Variants in LAPTM5 observed in about 807,000 individuals in gnomAD.
LAPTM5 encodes lysosomal protein transmembrane 5.
A neutral mutation model predicts 30.1 loss-of-function variants in LAPTM5; 11 were observed. That is an observed-to-expected ratio of 0.37 (90% CI 0.23 to 0.60). The LOEUF (loss-of-function observed/expected upper bound fraction) is 0.60. Among genes scored for constraint, LAPTM5 ranks in the 20% least tolerant of loss-of-function variants. LAPTM5 has a pLI of 0.71. For missense variants in LAPTM5, 324 were observed against 332.5 expected (o/e 0.97, Z 0.20); for synonymous variants, 151 against 137.9 (o/e 1.10, Z -0.67).
Position 30,757,667 on chromosome 1 carries a change from A to G in LAPTM5, c.79T>C (p.Tyr27His). 6.2e-7 allele frequency: 1 copy of G among 1,613,706 alleles called. No homozygotes were observed. The highest frequency in any genetic ancestry group is 2.2e-5 in the East Asian group (1 of 44,888). Reference sequence around the variant, plus strand: ...GGGGCCCGCACACTCACCACATGGTAGATGGCCAGGGCGGTGGTTGCGATG... The same window carrying G: ...GGGGCCCGCACACTCACCACATGGTGGATGGCCAGGGCGGTGGTTGCGATG... ...VRIATTALAI[Y>H]HVIMSVLLFI... The change falls in exon 1 of 8, where the codon TAC becomes CAC. Residue 27 changes from tyrosine to histidine, a missense_variant. Physicochemically the swap from Tyr to His is moderately conservative, Grantham distance 83 (BLOSUM62 2). Coordinates refer to ENST00000294507, the MANE Select transcript of LAPTM5 (RefSeq NM_006762.3).
chr1:30,753,323 C>G (rs527543123), intron 1 of LAPTM5, among the ~76,000 whole-genome samples: 41 of 152,262 alleles, frequency 2.7e-4, no homozygotes, highest in African/African-American at 8.9e-4. Flanking sequence ...ACTTGAGTTG[C>G]TTGGAGCAGC....
intron 1 of LAPTM5, 137 bp from the exon 2 acceptor site, chr1:30,742,686 A>T (rs972383957): frequency 1.5e-6 from 1 of 671,240 alleles, no homozygotes; most frequent in Non-Finnish European, 2.7e-6. Flanking sequence ...TCAGTAGGGC[A>T]TCTCAGACAA....
chr1:30,751,083 G>A (rs1031745868), intron 1 of LAPTM5, among the ~76,000 whole-genome samples: 3 of 152,278 alleles, frequency 2.0e-5, no homozygotes, highest in Non-Finnish European at 2.9e-5. Context: ...CTTCCTGGAG[G>A]CCTCGGGGCC....
chr1:30,750,011 C>A (rs79990487), intron 1 of LAPTM5, among the ~76,000 whole-genome samples: 2 of 152,116 alleles, frequency 1.3e-5, no homozygotes, highest in East Asian at 1.9e-4. Context: ...TAGACTCGGA[C>A]GGCTCAGATG....
At chr1:30,743,113 C>G (rs902105752) in intron 1 of LAPTM5, among the ~76,000 whole-genome samples, 3 of 152,154 alleles carry the variant, frequency 2.0e-5, no homozygotes, top group Non-Finnish European at 4.4e-5. Flanking sequence ...TCCCATGGCC[C>G]CTCAGGGAAC....
intron 1 of LAPTM5, among the ~76,000 whole-genome samples, chr1:30,743,407 G>T (rs1639998959): frequency 6.6e-6 from 1 of 152,156 alleles, no homozygotes. Flanking sequence ...GAGTGTTGGG[G>T]TGGCCCTAGA....
chr1:30,742,592 G>T, intron 1 of LAPTM5, 43 bp from the exon 2 acceptor site: 1 of 1,529,738 alleles, frequency 6.5e-7, no homozygotes, highest in East Asian at 2.3e-5. Context: ...CCTGCATCAC[G>T]GCCCCCCGAC....
chr1:30,757,173 C>T (rs1279699973), intron 1 of LAPTM5, among the ~76,000 whole-genome samples: 1 of 152,248 alleles, frequency 6.6e-6, no homozygotes, highest in Admixed American at 6.5e-5. Flanking sequence ...CCCCACTTCT[C>T]ATCCCCTCGA....
rs1317268590 is a variant in LAPTM5, at chr1:30,746,881, G to A, written c.88-4332C>T. Among the ~76,000 whole-genome samples the A allele has an allele frequency of 6.6e-6, 1 of 152,212 alleles. No homozygotes were observed. Among genetic ancestry groups the A allele is most frequent in the African/African-American group, 2.4e-5 (1 of 41,450 alleles). The stretch of plus-strand genomic sequence containing the variant: ...GCGCGGAGCCGGGCACACAGCAGGT[G>A]CACCATAAACAAGCACAATTGGGTG... On this transcript the variant is annotated intron_variant, in intron 1 of 7. Transcript: ENST00000294507. The surrounding 1 kb of genome is among the most constrained non-coding windows in gnomAD (Gnocchi z 4.0).
At position 30,739,467 on chromosome 1, in the gene LAPTM5, A is replaced by C. The variant is rs1188359; in HGVS notation, c.387+342T>G. Among the ~76,000 whole-genome samples the C allele has an allele frequency of 0.21, 32,308 of 152,104 alleles. 3,636 individuals carry two copies. The highest frequency in any genetic ancestry group is 0.28 in the Admixed American group (4,235 of 15,286). ...AACTTGGTTCCAAAGAAGAAATAAT[A>C]CTGGGGGCTGGGGGCTAAAAAGCGC... On this transcript the variant is annotated intron_variant, in intron 4 of 7. Coordinates refer to ENST00000294507, the MANE Select transcript of LAPTM5 (RefSeq NM_006762.3). This position sits in a 1 kb window ranked among gnomAD's most constrained non-coding sequence, Gnocchi z 4.2.
At chr1:30,750,649 C>A (rs920165462) in intron 1 of LAPTM5, among the ~76,000 whole-genome samples, 2 of 152,210 alleles carry the variant, frequency 1.3e-5, no homozygotes, top group Non-Finnish European at 2.9e-5. Flanking sequence ...ACCCCCTCCC[C>A]CATCCCATGG....
At chr1:30,753,617 A>C (rs1425986311) in intron 1 of LAPTM5, among the ~76,000 whole-genome samples, 1 of 152,350 alleles carries the variant, frequency 6.6e-6, no homozygotes, top group South Asian at 2.1e-4. Context: ...AAGATTATCA[A>C]AAACAAGAAA....
At chr1:30,749,949 A>G (rs1640108271) in intron 1 of LAPTM5, among the ~76,000 whole-genome samples, 1 of 152,116 alleles carries the variant, frequency 6.6e-6, no homozygotes, top group Non-Finnish European at 1.5e-5. Context: ...TTAGAGAGAA[A>G]GGGGAAAGAG....
At chr1:30,757,215 A>G (rs1640224038) in intron 1 of LAPTM5, among the ~76,000 whole-genome samples, 1 of 152,190 alleles carries the variant, frequency 6.6e-6, no homozygotes, top group African/African-American at 2.4e-5. Context: ...CCCCAGGGGA[A>G]GAATCGGGGC....
chr1:30,746,207 T>A lies in LAPTM5; in HGVS notation c.88-3658A>T, dbSNP rs1317339304. The A allele has an allele frequency of 2.6e-5, 4 of 152,256 alleles. No homozygotes were observed. The East Asian group carries it at 7.7e-4, about 29-fold the overall frequency. 9.4% of individuals were successfully genotyped at this position (152,256 alleles called of 1,614,324 possible). A position where few individuals can be genotyped will look rare whatever the true frequency, so the allele number is the denominator to read the frequency against. Reference sequence around the variant, plus strand: ...TCTGGTCAATGAGAAGAGACCCTCATTTTCCCCTGGGGCCATTGGGATGAC... The same window carrying A: ...TCTGGTCAATGAGAAGAGACCCTCAATTTCCCCTGGGGCCATTGGGATGAC... On this transcript the variant is annotated intron_variant, in intron 1 of 7. Transcript: ENST00000294507. The surrounding 1 kb of genome is among the most constrained non-coding windows in gnomAD (Gnocchi z 4.0).
chr1:30,739,302 C>T lies in LAPTM5; in HGVS notation c.388-240G>A, dbSNP rs1453769215. On this transcript the variant is annotated intron_variant, in intron 4 of 7. Coordinates refer to ENST00000294507, the MANE Select transcript of LAPTM5 (RefSeq NM_006762.3). This position sits in a 1 kb window ranked among gnomAD's most constrained non-coding sequence, Gnocchi z 4.2. The stretch of plus-strand genomic sequence containing the variant: ...GGCCAGGGCCCTTCCATGATGTAGC[C>T]CCCCGGTCTCTTCAAGGACAACAGT... 1 of 445,818 alleles carries T rather than the reference C, an allele frequency of 2.2e-6. No individual in the cohort carries two copies. Among genetic ancestry groups the T allele is most frequent in the Admixed American group, 3.7e-5 (1 of 27,294 alleles). The allele number at this position is 445,818 out of a possible 1,614,324, so 27.6% of individuals were successfully genotyped here. A position where few individuals can be genotyped will look rare whatever the true frequency, so the allele number is the denominator to read the frequency against.
At chr1:30,756,602 G>T (rs1440374947) in intron 1 of LAPTM5, among the ~76,000 whole-genome samples, 1 of 152,224 alleles carries the variant, frequency 6.6e-6, no homozygotes, top group African/African-American at 2.4e-5. Flanking sequence ...GCATCCAGAG[G>T]CCGTGGGCTA....
chr1:30,748,826 T>C (rs1431296999), intron 1 of LAPTM5, among the ~76,000 whole-genome samples: 1 of 152,236 alleles, frequency 6.6e-6, no homozygotes, highest in African/African-American at 2.4e-5. Context: ...GCTCTGGGGC[T>C]CACAGACCTC....
chr1:30,752,819 C>CT (rs35702385), intron 1 of LAPTM5, among the ~76,000 whole-genome samples: 40,633 of 148,864 alleles, frequency 0.27, 5,639 homozygotes, highest in South Asian at 0.36. Flanking sequence ...AATGCTTTAC[C>CT]TTTTTTTTTT....
Sources: gnomAD v4.1 joint callset for allele counts (sites outside exome capture counted in the v4.1 genomes callset) on GRCh38, gnomAD v4.1.1 for gene constraint, Gnocchi (gnomAD v3.1) non-coding constraint, MANE v1.5 for transcripts, NCBI Gene and HGNC (gene_info 2026-07-23, HGNC 2026-07-21) for gene names.